The following CTTN variants were observed in gnomAD, a reference collection of about 807,000 sequenced individuals.
CTTN encodes cortactin.
A neutral mutation model predicts 84.0 loss-of-function variants in CTTN; 28 were observed. That is an observed-to-expected ratio of 0.33 (90% CI 0.25 to 0.46). The LOEUF (loss-of-function observed/expected upper bound fraction) is 0.46, where lower values mean the gene tolerates loss of function less well. Ranked by LOEUF, CTTN falls within the 20% of genes least tolerant of loss-of-function variation. CTTN has a pLI of 1.00. For synonymous variants in CTTN, 301 were observed against 288.8 expected (o/e 1.04, Z -0.43); for missense variants, 641 against 723.8 (o/e 0.89, Z 1.31).
intron 13 of CTTN, among the ~76,000 whole-genome samples, chr11:70,427,534 C>T (rs1483945040): frequency 6.6e-6 from 1 of 152,228 alleles, no homozygotes; most frequent in Non-Finnish European, 1.5e-5. Context: ...GTGGAATCAC[C>T]TAGGTAGGCG....
chr11:70,431,343 G>A, intron 15 of CTTN, 63 bp downstream of exon 15: 1 of 1,534,396 alleles, frequency 6.5e-7, no homozygotes, highest in African/African-American at 1.4e-5. Context: ...GGTCCTGTTT[G>A]TGGAGTGGAG....
At chr11:70,434,277 G>A (rs1050808695) in intron 17 of CTTN, among the ~76,000 whole-genome samples, 3 of 152,240 alleles carry the variant, frequency 2.0e-5, no homozygotes, top group Non-Finnish European at 4.4e-5. Context: ...GAGACCATGC[G>A]GTGGGGCTCT....
chr11:70,413,232 A>G (rs1209692584), intron 5 of CTTN, among the ~76,000 whole-genome samples: 1 of 152,226 alleles, frequency 6.6e-6, no homozygotes, highest in East Asian at 1.9e-4. Flanking sequence ...TTGGGTTAGC[A>G]GGTTAGCATG....
intron 7 of CTTN, 33 bp from the exon 8 acceptor site, chr11:70,416,980 G>T (rs1177631323): frequency 1.3e-6 from 2 of 1,485,704 alleles, no homozygotes; most frequent in African/African-American, 2.8e-5. Flanking sequence ...TCGTCCTCAG[G>T]CCCCCGTGCT....
At position 70,429,080 on chromosome 11, in the gene CTTN, A is replaced by G; in HGVS notation, c.1057A>G (p.Asn353Asp). Reference protein sequence around the residue: ...VTSKTSNIRANFENLAKEKEQ... With the variant: ...VTSKTSNIRADFENLAKEKEQ... ...CAGCAAAACAAGTAACATCAGAGCT[A>G]ACTTTGAAAACCTCGCTAAGGAGAA... The change falls in exon 14 of 18, where the codon AAC becomes GAC. Residue 353 changes from asparagine (N) to aspartate (D), a missense_variant. By Grantham distance (23) the Asn-to-Asp change is conservative. Transcript: ENST00000301843. 1 of 1,614,206 alleles carries G rather than the reference A, an allele frequency of 6.2e-7. No individual in the cohort carries two copies. Among genetic ancestry groups the G allele is most frequent in the Non-Finnish European group, 8.5e-7 (1 of 1,180,044 alleles).
rs780448601 is a variant in CTTN at position 70,429,159 on chromosome 11, A to G, written c.1136A>G (p.Lys379Arg). The G allele has an allele frequency of 3.7e-6, 6 of 1,613,770 alleles. No homozygotes were observed. The Admixed American group carries it at 1.0e-4, about 27-fold the overall frequency. ...GCGGAGAGAGCCCAGCGGATGGCCA[A>G]GGAGCGGCAGGAGCAGGAAGAGGCC... ...AEAERAQRMA[K>R]ERQEQEEARR... Residue 379 changes from lysine (K) to arginine (R), a missense_variant, in exon 14 of 18, where the codon AAG (lysine) becomes AGG (arginine). By Grantham distance (26) the Lys-to-Arg change is conservative (BLOSUM62 2). Around this residue, in one of 3 missense-constraint regions of CTTN, gnomAD observed 289 missense variants for 273.1 expected, o/e 1.06. Coordinates refer to ENST00000301843, the MANE Select transcript of CTTN (RefSeq NM_005231.4).
intron 1 of CTTN, among the ~76,000 whole-genome samples, chr11:70,405,005 A>G (rs1461654053): frequency 6.6e-6 from 1 of 152,270 alleles, no homozygotes; most frequent in Non-Finnish European, 1.5e-5. Context: ...TCCATCTCAA[A>G]AAAAACAAAA....
intron 5 of CTTN, 148 bp from the exon 6 acceptor site, chr11:70,414,394 C>G: frequency 3.7e-6 from 2 of 542,004 alleles, no homozygotes; most frequent in Non-Finnish European, 6.5e-6. Flanking sequence ...GGAGTCGTGT[C>G]GCCTTCCTTG....
At chr11:70,425,678 A>G (rs1313300030) in intron 13 of CTTN, among the ~76,000 whole-genome samples, 1 of 152,214 alleles carries the variant, frequency 6.6e-6, no homozygotes, top group Non-Finnish European at 1.5e-5. Context: ...CACATTCACA[A>G]GGGCCTCCAC....
chr11:70,407,321 C>T lies in CTTN; in HGVS notation c.24C>T (p.His8=), dbSNP rs142607453. 120 of 1,553,564 alleles carry T rather than the reference C, an allele frequency of 7.7e-5. No individual in the cohort carries two copies. Among genetic ancestry groups the T allele is most frequent in the Non-Finnish European group, 9.9e-5 (114 of 1,148,550 alleles). ...AGATGTGGAAAGCTTCAGCAGGCCA[C>T]GCTGTGTCCATCGCCCAGGATGACG... MWKASAG[H]AVSIAQDDAG... Residue 8 remains histidine (H), a synonymous_variant, in exon 3 of 18, where the codon CAC becomes CAT. Transcript: ENST00000301843.
chr11:70,420,911 G>A (rs1282691998), intron 10 of CTTN, among the ~76,000 whole-genome samples: 1 of 152,266 alleles, frequency 6.6e-6, no homozygotes, highest in African/African-American at 2.4e-5. Context: ...CAAGCCTGCA[G>A]TGCTCCTCAT....
In CTTN at chr11:70,429,031, C is replaced by T. The variant is rs367787121; in HGVS notation, c.1028-20C>T. 5.0e-5 allele frequency: 80 copies of T among 1,613,810 alleles called. No individual in the cohort carries two copies. In the African/African-American group the frequency reaches 9.5e-4, roughly 19 times the overall value. ...TTTTTGCTGTGCTCAAGGCACACGT[C>T]CTCCCTCCTTCCTCTATAGTGACCA... On this transcript the variant is annotated intron_variant, in intron 13 of 17. Coordinates refer to ENST00000301843, the MANE Select transcript of CTTN (RefSeq NM_005231.4).
intron 17 of CTTN, among the ~76,000 whole-genome samples, chr11:70,434,461 G>A (rs1023150605): frequency 6.6e-6 from 1 of 152,274 alleles, no homozygotes; most frequent in African/African-American, 2.4e-5. Flanking sequence ...CCATCAGCGC[G>A]GAAGCTGGCA....
At chr11:70,402,982 G>GTTTTAT (rs140903828) in intron 1 of CTTN, among the ~76,000 whole-genome samples, 26 of 152,082 alleles carry the variant, frequency 1.7e-4, no homozygotes, top group Non-Finnish European at 3.4e-4. Context: ...GTCATTGGCT[G>GTTTTAT]TTTTATTTTA....
intron 8 of CTTN, among the ~76,000 whole-genome samples, chr11:70,417,653 G>A (rs901968649): frequency 1.3e-5 from 2 of 151,900 alleles, no homozygotes; most frequent in African/African-American, 4.8e-5. Context: ...ACGCCACCAC[G>A]CCCAGCTAAT....
chr11:70,403,972 C>G (rs760867547), intron 1 of CTTN, among the ~76,000 whole-genome samples: 1 of 152,102 alleles, frequency 6.6e-6, no homozygotes, highest in Non-Finnish European at 1.5e-5. Flanking sequence ...CCTTGAGCTC[C>G]TGGGCTCAAG....
intron 14 of CTTN, 72 bp from the exon 15 acceptor site, chr11:70,431,119 C>T: frequency 6.7e-7 from 1 of 1,484,002 alleles, no homozygotes; most frequent in Non-Finnish European, 9.4e-7. Context: ...ACACGATCTT[C>T]TGAAACACGG....
Position 70,436,316 on chromosome 11 carries a change from G to A in CTTN, c.*1154G>A, listed in dbSNP as rs777986823. The stretch of plus-strand genomic sequence containing the variant: ...CTCCTTCCTGAGGAGCCGGGAGGCT[G>A]GACCAGTCCCGTCGTGCAGTCAGGT... On this transcript the variant is annotated 3_prime_UTR_variant, in exon 18 of 18. Coordinates refer to ENST00000301843, the MANE Select transcript of CTTN (RefSeq NM_005231.4). The A allele has an allele frequency of 6.3e-7, 1 of 1,598,252 alleles. No homozygotes were observed.
At chr11:70,423,612 G>C (rs137877755) in intron 12 of CTTN, among the ~76,000 whole-genome samples, 1 of 152,166 alleles carries the variant, frequency 6.6e-6, no homozygotes, top group Non-Finnish European at 1.5e-5. Context: ...GAGGGCAGGC[G>C]CGAGTTCACC....
Sources: allele counts gnomAD v4.1 joint callset (sites outside exome capture counted in the v4.1 genomes callset), GRCh38; gene constraint gnomAD v4.1.1; regional missense constraint gnomAD v4.1.1; transcripts MANE v1.5; gene names NCBI Gene and HGNC (gene_info 2026-07-23, HGNC 2026-07-21).